The following PAX5 variants were observed in gnomAD, a reference collection of about 807,000 sequenced individuals.
PAX5 encodes the protein paired box protein Pax-5.
A neutral mutation model predicts 43.7 loss-of-function variants in PAX5; 9 were observed. That is an observed-to-expected ratio of 0.21 (90% CI 0.12 to 0.36). The LOEUF (loss-of-function observed/expected upper bound fraction) is 0.36. PAX5 is among the 10% of genes least tolerant of loss of function. PAX5 has a pLI of 1.00. For synonymous variants in PAX5, 228 were observed against 214.3 expected (o/e 1.06, Z -0.56); for missense variants, 383 against 532.7 (o/e 0.72, Z 2.77).
chr9:36,865,146 C>G (rs1390015307), intron 8 of PAX5, among the ~76,000 whole-genome samples: 3 of 152,200 alleles, frequency 2.0e-5, no homozygotes, highest in Non-Finnish European at 4.4e-5. Flanking sequence ...AATACAGAGC[C>G]CCCTATTTGG....
chr9:36,879,195 T>G (rs974747603), intron 8 of PAX5, among the ~76,000 whole-genome samples: 1 of 152,208 alleles, frequency 6.6e-6, no homozygotes, highest in African/African-American at 2.4e-5. Flanking sequence ...CTGTGATTCC[T>G]GCTGCCCTGT....
chr9:36,843,226 A>G (rs1047876189), intron 9 of PAX5, among the ~76,000 whole-genome samples: 1 of 152,014 alleles, frequency 6.6e-6, no homozygotes, highest in African/African-American at 2.4e-5. Flanking sequence ...ACAGGTTTCC[A>G]TGCCCTGGCG....
chr9:36,985,471 C>A (rs1172541065), intron 5 of PAX5, among the ~76,000 whole-genome samples: 2 of 152,228 alleles, frequency 1.3e-5, no homozygotes, highest in Non-Finnish European at 2.9e-5. Context: ...TCCATTCCCT[C>A]ACTACTACTT....
intron 6 of PAX5, among the ~76,000 whole-genome samples, chr9:36,945,724 T>C (rs1832440416): frequency 6.6e-6 from 1 of 152,250 alleles, no homozygotes; most frequent in Admixed American, 6.5e-5. Context: ...TTTGGGCCAC[T>C]CTTTGAATGA....
intron 5 of PAX5, among the ~76,000 whole-genome samples, chr9:37,000,085 G>A (rs911369292): frequency 3.3e-5 from 5 of 152,110 alleles, no homozygotes; most frequent in African/African-American, 9.7e-5. Context: ...CCCTCCCCTA[G>A]TAAAACGGAA....
chr9:36,848,699 T>C (rs1349039511), intron 8 of PAX5, among the ~76,000 whole-genome samples: 4 of 152,158 alleles, frequency 2.6e-5, no homozygotes, highest in Non-Finnish European at 5.9e-5. Flanking sequence ...GCCCAGGGCA[T>C]TGGGCTACTG....
intron 2 of PAX5, among the ~76,000 whole-genome samples, chr9:37,016,727 A>C (rs914303654): frequency 9.9e-5 from 15 of 152,212 alleles, no homozygotes; most frequent in African/African-American, 3.6e-4. Context: ...TAATTTTGAA[A>C]CCTAACAAGA....
At chr9:36,915,288 G>T (rs1419348728) in intron 7 of PAX5, among the ~76,000 whole-genome samples, 1 of 152,186 alleles carries the variant, frequency 6.6e-6, no homozygotes, top group Non-Finnish European at 1.5e-5. Context: ...ATATTGCCAA[G>T]TTTCCCTTCC....
At chr9:36,844,475 C>G (rs1822374266) in intron 9 of PAX5, among the ~76,000 whole-genome samples, 1 of 152,134 alleles carries the variant, frequency 6.6e-6, no homozygotes, top group South Asian at 2.1e-4. Flanking sequence ...CATCAGATAG[C>G]CCATGTAAAA....
intron 8 of PAX5, among the ~76,000 whole-genome samples, chr9:36,847,843 A>G (rs182751141): frequency 5.6e-4 from 86 of 152,264 alleles, no homozygotes; most frequent in African/African-American, 2.0e-3. Flanking sequence ...AGAGTTCACA[A>G]TTCTGTCCCT....
At chr9:36,914,727 C>T (rs751542266) in intron 7 of PAX5, among the ~76,000 whole-genome samples, 4 of 152,046 alleles carry the variant, frequency 2.6e-5, no homozygotes, top group Non-Finnish European at 5.9e-5. Context: ...GTGGAGAACT[C>T]GACTGCAATG....
At chr9:36,854,764 G>C (rs1444496816) in intron 8 of PAX5, among the ~76,000 whole-genome samples, 2 of 152,156 alleles carry the variant, frequency 1.3e-5, no homozygotes, top group African/African-American at 4.8e-5. Context: ...CCATTGCTGG[G>C]AAAAACCTCT....
chr9:36,860,967 AT>A (rs1263350949), intron 8 of PAX5: 2 of 152,236 alleles, frequency 1.3e-5, no homozygotes, highest in African/African-American at 4.8e-5. Flanking sequence ...TTTCATATGT[AT>A]CCCCTGTGAC....
chr9:36,972,448 C>T (rs781756106), intron 5 of PAX5, among the ~76,000 whole-genome samples: 12 of 152,222 alleles, frequency 7.9e-5, no homozygotes, highest in Non-Finnish European at 1.2e-4. Flanking sequence ...CCCCTTTCTC[C>T]ACCAAAATCC....
intron 1 of PAX5, among the ~76,000 whole-genome samples, chr9:37,021,983 G>T (rs1839895971): frequency 1.3e-5 from 2 of 152,130 alleles, no homozygotes; most frequent in African/African-American, 4.8e-5. Flanking sequence ...TCTAAAATAT[G>T]AAATAGCCAC....
intron 6 of PAX5, among the ~76,000 whole-genome samples, chr9:36,955,915 C>A (rs1588075647): frequency 6.6e-6 from 1 of 151,828 alleles, no homozygotes; most frequent in East Asian, 1.9e-4. Context: ...AATCTACGTT[C>A]TTTTTTAAAA....
At chr9:37,002,580 C>G in intron 5 of PAX5, 68 bp downstream of exon 5, 4 of 1,547,358 alleles carry the variant, frequency 2.6e-6, no homozygotes, top group Non-Finnish European at 3.5e-6. Flanking sequence ...TGCTGCCACC[C>G]GCGACCGAGC....
chr9:36,987,359 A>T (rs893556624), intron 5 of PAX5, among the ~76,000 whole-genome samples: 7 of 152,222 alleles, frequency 4.6e-5, no homozygotes, highest in Non-Finnish European at 8.8e-5. Context: ...GATGTTCAGA[A>T]ATGTGTCCCT....
intron 4 of PAX5, 86 bp from the exon 5 acceptor site, chr9:37,002,862 T>A: frequency 7.5e-7 from 1 of 1,329,744 alleles, no homozygotes; most frequent in Non-Finnish European, 1.0e-6. Context: ...TGGGGGCGGC[T>A]GGGAGGGAGC....
Sources: gnomAD v4.1 joint callset for allele counts (sites outside exome capture counted in the v4.1 genomes callset) on GRCh38, gnomAD v4.1.1 for gene constraint, MANE v1.5 for transcripts, NCBI Gene and HGNC (gene_info 2026-07-23, HGNC 2026-07-21) for gene names.